Variants in IP6K3 observed in about 807,000 individuals in gnomAD.
IP6K3 encodes inositol hexakisphosphate kinase 3.
Under a neutral mutation model 28.8 loss-of-function variants are expected in IP6K3, and 20 were observed. The observed-to-expected ratio is 0.70, with a 90% CI of 0.49 to 1.01. The LOEUF is 1.01. IP6K3 is among the 50% of genes least tolerant of loss of function. The pLI is 0.00. For synonymous variants in IP6K3, 213 were observed against 221.3 expected, an observed-to-expected ratio of 0.96 and a Z score of 0.33; for missense variants, 480 against 537.1, an observed-to-expected ratio of 0.89 and a Z score of 1.05.
At chr6:33,723,446 C>T (rs1339291543) in intron 5 of IP6K3, among the ~76,000 whole-genome samples, 1 of 152,226 alleles carries the variant, frequency 6.6e-6, no homozygotes, top group African/African-American at 2.4e-5. Context: ...TGACCCTCCA[C>T]CCACGAGGAA....
rs116349083 is a variant in IP6K3, at chr6:33,729,289, A to G, written c.200-989T>C. Among the ~76,000 whole-genome samples, 1,115 of 152,312 alleles carry G rather than the reference A, an allele frequency of 7.3e-3. 13 individuals are homozygous for G. The highest frequency in any genetic ancestry group is 0.02 in the African/African-American group (839 of 41,564). On this transcript the variant is annotated intron_variant, in intron 2 of 5. Transcript: ENST00000293756. Reference sequence around the variant, plus strand: ...GCCAGAGTCTTGGTAGTAGCACAGGAGATGGCCACCCTTGTGGTTTTGGGA... The same window carrying G: ...GCCAGAGTCTTGGTAGTAGCACAGGGGATGGCCACCCTTGTGGTTTTGGGA...
Position 33,735,358 on chromosome 6 carries a change from C to T in IP6K3, c.119G>A (p.Cys40Tyr). The T allele has an allele frequency of 6.2e-7, 1 of 1,606,616 alleles. No individual in the cohort carries two copies. The highest frequency in any genetic ancestry group is 8.5e-7 in the Non-Finnish European group (1 of 1,176,300). ...SVMKYDEHTV[C>Y]KPLVSREQRF... Reference sequence around the variant, plus strand: ...CTGCTCCCGGGAGACGAGGGGCTTGCACACCGTATGCTCGTCATACTTCAT... The same window carrying T: ...CTGCTCCCGGGAGACGAGGGGCTTGTACACCGTATGCTCGTCATACTTCAT... Residue 40 changes from cysteine to tyrosine, a missense_variant, in exon 2 of 6, where the codon TGC (cysteine) becomes TAC (tyrosine). Coordinates refer to ENST00000293756, the MANE Select transcript of IP6K3 (RefSeq NM_054111.5).
At chr6:33,754,541 C>T in the IP6K3 span, among the ~76,000 whole-genome samples, 6 of 152,292 alleles carry the variant, frequency 3.9e-5, no homozygotes, top group African/African-American at 1.2e-4. Flanking sequence ...TACTGTCGGC[C>T]CTGGTTTCTG....
Position 33,744,812 on chromosome 6 carries a change from C to T in IP6K3, c.-180+1946G>A, listed in dbSNP as rs971024690. On this transcript the variant is annotated intron_variant, in intron 1 of 5. Transcript: ENST00000293756. The surrounding 1 kb of genome is among the most constrained non-coding windows in gnomAD (Gnocchi z 4.4). ...CATTGAGGTTGGATTCTCCCCATAACGTTCTATAACATCTCTTGCCCTCCC... is the reference window on the plus strand; with the variant it reads ...CATTGAGGTTGGATTCTCCCCATAATGTTCTATAACATCTCTTGCCCTCCC... Among the ~76,000 whole-genome samples, 46 of 152,324 alleles carry T rather than the reference C, an allele frequency of 3.0e-4. 1 individual carries two copies. Among genetic ancestry groups the T allele is most frequent in the Middle Eastern group, 3.4e-3 (1 of 294 alleles).
intron 1 of IP6K3, among the ~76,000 whole-genome samples, chr6:33,737,422 T>A (rs555270827): frequency 6.6e-6 from 1 of 152,344 alleles, no homozygotes; most frequent in Non-Finnish European, 1.5e-5. Flanking sequence ...GCTGGACTCC[T>A]GGTCATGGAT....
chr6:33,757,038 G>C, the IP6K3 span, among the ~76,000 whole-genome samples: 6 of 152,276 alleles, frequency 3.9e-5, no homozygotes, highest in South Asian at 1.2e-3. Context: ...AGGCCCCTCC[G>C]GCCACTGCCT....
At position 33,746,747 on chromosome 6, in the gene IP6K3, G is replaced by A. The variant is rs147737622; in HGVS notation, c.-180+11C>T. ...GGCCCTGCCCATCCCTGCCTACAAG[G>A]CAGCACTCACCAGAGCTTCCTCCGA... On this transcript the variant is annotated intron_variant, in intron 1 of 5. Transcript: ENST00000293756. This position sits in a 1 kb window ranked among gnomAD's most constrained non-coding sequence, Gnocchi z 6.5. The A allele has an allele frequency of 6.6e-6, 1 of 152,450 alleles. No homozygotes were observed. The highest frequency in any genetic ancestry group is 1.5e-5 in the Non-Finnish European group (1 of 68,144). The allele number at this position is 152,450 out of a possible 1,614,324, so 9.4% of individuals were successfully genotyped here.
rs147197770 is a variant in IP6K3, at chr6:33,723,423, C to T, written c.766-236G>A. Among the ~76,000 whole-genome samples, 484 of 152,354 alleles carry T rather than the reference C, an allele frequency of 3.2e-3. 1 individual carries two copies. The highest frequency in any genetic ancestry group is 6.5e-3 in the African/African-American group (269 of 41,584). On this transcript the variant is annotated intron_variant, in intron 5 of 5. Transcript: ENST00000293756. Reference sequence around the variant, plus strand: ...AGTAATCCAAGGTCTAAAGATCCTTCACCCCACAGAGGTGACCCTCCACCC... The same window carrying T: ...AGTAATCCAAGGTCTAAAGATCCTTTACCCCACAGAGGTGACCCTCCACCC...
intron 1 of IP6K3, among the ~76,000 whole-genome samples, chr6:33,745,911 T>C (rs996165944): frequency 3.3e-5 from 5 of 152,204 alleles, no homozygotes; most frequent in African/African-American, 9.7e-5. Flanking sequence ...CATGAGATCA[T>C]TCCCTCTATT....
chr6:33,732,433 C>A (rs1012147194), intron 2 of IP6K3, among the ~76,000 whole-genome samples: 2 of 152,228 alleles, frequency 1.3e-5, no homozygotes, highest in Admixed American at 6.5e-5. Context: ...GATTCAAGTG[C>A]CCCTGACCTG....
At position 33,735,656 on chromosome 6, in the gene IP6K3, C is replaced by T; in HGVS notation, c.-179-1G>A. 7.1e-7 allele frequency: 1 copy of T among 1,416,014 alleles called. No individual in the cohort carries two copies. Among genetic ancestry groups the T allele is most frequent in the Non-Finnish European group, 9.2e-7 (1 of 1,082,996 alleles). 87.7% of individuals were successfully genotyped at this position (1,416,014 alleles called of 1,614,324 possible). On this transcript the variant is annotated splice_acceptor_variant, in intron 1 of 5. Transcript: ENST00000293756. LOFTEE classifies it low-confidence loss of function (5UTR_SPLICE). The stretch of plus-strand genomic sequence containing the variant: ...GTCTGTGGGTTCTCAGCGGGGTCCT[C>T]TGGAAAGCAGGGGAGGAAGGAGGAA...
intron 2 of IP6K3, among the ~76,000 whole-genome samples, chr6:33,731,992 CTTTTGGTTTGGCCGAG>C (rs1272823973): frequency 6.6e-6 from 1 of 152,232 alleles, no homozygotes. Context: ...CATCTCAGCA[CTTTTGGTTTGGCCGAG>C]TAGCTTCCTG....
At chr6:33,753,475 C>A in the IP6K3 span, among the ~76,000 whole-genome samples, 1 of 151,988 alleles carries the variant, frequency 6.6e-6, no homozygotes, top group Non-Finnish European at 1.5e-5. Flanking sequence ...TTGAAGGACT[C>A]CTGTAGTAGT....
At chr6:33,738,829 C>G (rs1766620514) in intron 1 of IP6K3, among the ~76,000 whole-genome samples, 1 of 152,210 alleles carries the variant, frequency 6.6e-6, no homozygotes, top group Admixed American at 6.5e-5. Flanking sequence ...GCAGGTTTTC[C>G]TGTCTCCCAG....
upstream of IP6K3, among the ~76,000 whole-genome samples, chr6:33,749,360 G>A (rs1427256095): frequency 1.3e-5 from 2 of 151,982 alleles, no homozygotes; most frequent in African/African-American, 4.8e-5. Flanking sequence ...CACACACAGG[G>A]CCCCACCGTC....
At chr6:33,759,388 C>A in the IP6K3 span, among the ~76,000 whole-genome samples, 1 of 152,148 alleles carries the variant, frequency 6.6e-6, no homozygotes, top group Non-Finnish European at 1.5e-5. Context: ...ACTACAGGCA[C>A]GCACCACTAC....
Position 33,722,661 on chromosome 6 carries a change from C to G in IP6K3, c.*59G>C. The G allele has an allele frequency of 8.2e-7, 1 of 1,226,000 alleles. No homozygotes were observed. Among genetic ancestry groups the G allele is most frequent in the Non-Finnish European group, 1.2e-6 (1 of 859,750 alleles). The allele number at this position is 1,226,000 out of a possible 1,614,324, so 75.9% of individuals were successfully genotyped here. Reference sequence around the variant, plus strand: ...AGGGGTGTCTGGACTACCCTAGCAACCAACAGGTCTCTATTTGAGATCTAT... The same window carrying G: ...AGGGGTGTCTGGACTACCCTAGCAAGCAACAGGTCTCTATTTGAGATCTAT... On this transcript the variant is annotated 3_prime_UTR_variant, in exon 6 of 6. Coordinates refer to ENST00000293756, the MANE Select transcript of IP6K3 (RefSeq NM_054111.5).
chr6:33,728,363 A>G, intron 2 of IP6K3, 63 bp from the exon 3 acceptor site: 11 of 1,471,002 alleles, frequency 7.5e-6, no homozygotes, highest in Non-Finnish European at 1.0e-5. Flanking sequence ...ACGGACATGC[A>G]GGAGTGATGA....
chr6:33,733,566 A>G (rs1241665965), intron 2 of IP6K3, among the ~76,000 whole-genome samples: 2 of 152,274 alleles, frequency 1.3e-5, no homozygotes, highest in South Asian at 2.1e-4. Flanking sequence ...GCCGCCCCAC[A>G]CATGATCCTG....
Sources: allele counts gnomAD v4.1 joint callset (sites outside exome capture counted in the v4.1 genomes callset), GRCh38; gene constraint gnomAD v4.1.1; non-coding constraint Gnocchi (gnomAD v3.1); transcripts MANE v1.5; gene names NCBI Gene and HGNC (gene_info 2026-07-23, HGNC 2026-07-21).